Variants in DUSP8 observed in about 807,000 individuals in gnomAD.
The protein encoded by DUSP8 is dual specificity phosphatase 8.
Under a neutral mutation model 38.7 loss-of-function variants are expected in DUSP8, and 15 were observed. The ratio of observed to expected loss-of-function variants is 0.39; its 90% CI spans 0.26 to 0.60. The LOEUF is 0.60. Ranked by LOEUF, DUSP8 falls within the 20% of genes least tolerant of loss-of-function variation. The probability of loss-of-function intolerance (pLI) is 0.56; values close to 1 mark genes in which losing one functional copy is unlikely to be tolerated. For missense variants in DUSP8, 768 were observed against 915.0 expected, an observed-to-expected ratio of 0.84 and a Z score of 2.07; for synonymous variants, 458 against 433.9, an observed-to-expected ratio of 1.06 and a Z score of -0.69.
At chr11:1,571,029 C>G (rs1332507267) in intron 1 of DUSP8, among the ~76,000 whole-genome samples, 1 of 152,044 alleles carries the variant, frequency 6.6e-6, no homozygotes, top group African/African-American at 2.4e-5. Flanking sequence ...CCCCGCCCCC[C>G]ATCACTGCAG....
chr11:1,570,715 C>A (rs2133452710), intron 1 of DUSP8, among the ~76,000 whole-genome samples: 1 of 152,316 alleles, frequency 6.6e-6, no homozygotes, highest in East Asian at 1.9e-4. Context: ...GTCACATGAT[C>A]TGCCATCCGC....
At position 1,557,756 on chromosome 11, in the gene DUSP8, G is replaced by C. The variant is rs1347322677; in HGVS notation, c.821+38C>G. The C allele has an allele frequency of 6.2e-7, 1 of 1,611,136 alleles. No homozygotes were observed. On this transcript the variant is annotated intron_variant, in intron 6 of 6. Coordinates refer to ENST00000397374, the MANE Select transcript of DUSP8 (RefSeq NM_004420.3). This position sits in a 1 kb window ranked among gnomAD's most constrained non-coding sequence, Gnocchi z 9.9. ...GGGCAGCCGGGGGAAGGGAAGCGAC[G>C]CTGTGAGCCACAAGTGCGCGACTGG... is the stretch of plus-strand genomic sequence containing the variant.
Position 1,556,461 on chromosome 11 carries a change from A to G in DUSP8, c.*57T>C. On this transcript the variant is annotated 3_prime_UTR_variant, in exon 7 of 7. Transcript: ENST00000397374. This position sits in a 1 kb window ranked among gnomAD's most constrained non-coding sequence, Gnocchi z 5.2. ...ATTTACCTTTCTTTGCATTATATAT[A>G]ATATACATTTATAACGGGCCTGGCT... 3 of 1,231,268 alleles carry G rather than the reference A, an allele frequency of 2.4e-6. No individual in the cohort carries two copies. The highest frequency in any genetic ancestry group is 2.0e-6 in the Non-Finnish European group (2 of 987,256). 76.3% of individuals were successfully genotyped at this position (1,231,268 alleles called of 1,614,324 possible).
rs780724441 is a variant in DUSP8, at chr11:1,558,901, G to A, written c.525C>T (p.Asp175=). The change falls in exon 4 of 7, where the codon GAC becomes GAT. Residue 175 remains aspartate (D), a synonymous_variant. Coordinates refer to ENST00000397374, the MANE Select transcript of DUSP8 (RefSeq NM_004420.3). The surrounding 1 kb of genome is among the most constrained non-coding windows in gnomAD (Gnocchi z 6.3). ...ACTGCACACACACCTTGTTTAGGAC[G>A]TCCTTCTGCGAGCCCAGGTAGAGGT... ...LPHLYLGSQK[D]VLNKDLMTQN... The A allele has an allele frequency of 2.2e-5, 35 of 1,610,010 alleles. No individual in the cohort carries two copies. Among genetic ancestry groups the A allele is most frequent in the Admixed American group, 1.8e-4 (11 of 59,642 alleles).
chr11:1,557,331 G>A lies in DUSP8; in HGVS notation c.1065C>T (p.Gly355=), dbSNP rs757072093. Residue 355 remains glycine (G), a synonymous_variant, in exon 7 of 7, where the codon GGC becomes GGT. Transcript: ENST00000397374. The surrounding 1 kb of genome is among the most constrained non-coding windows in gnomAD (Gnocchi z 9.9). The part of the protein sequence containing the change: ...AAAREGGLSA[G]GEPPAPPTPP... Reference sequence around the variant, plus strand: ...GCGTGGGGGGCGCGGGGGGCTCCCCGCCCGCGCTCAGGCCGCCCTCCCTGG... The same window carrying A: ...GCGTGGGGGGCGCGGGGGGCTCCCCACCCGCGCTCAGGCCGCCCTCCCTGG... The A allele has an allele frequency of 4.0e-6, 6 of 1,515,206 alleles. No individual in the cohort carries two copies. The highest frequency in any genetic ancestry group is 2.6e-5 in the East Asian group (1 of 38,668). 93.9% of individuals were successfully genotyped at this position (1,515,206 alleles called of 1,614,324 possible). A position where few individuals can be genotyped will look rare whatever the true frequency, so the allele number is the denominator to read the frequency against.
chr11:1,565,576 G>A lies in DUSP8; in HGVS notation c.231+20C>T. The A allele has an allele frequency of 1.9e-6, 3 of 1,581,506 alleles. No individual in the cohort carries two copies. Among genetic ancestry groups the A allele is most frequent in the African/African-American group, 1.3e-5 (1 of 74,494 alleles). On this transcript the variant is annotated intron_variant, in intron 2 of 6. Transcript: ENST00000397374. ...GGACCCTGGACGTGATGCATGCCTG[G>A]TGGGCAGTGGGCTGGGTACCTGGCT...
intron 1 of DUSP8, among the ~76,000 whole-genome samples, chr11:1,569,399 C>A (rs1360900903): frequency 6.6e-6 from 1 of 152,130 alleles, no homozygotes; most frequent in Non-Finnish European, 1.5e-5. Context: ...CACCTCTTTG[C>A]ACACCCACTC....
chr11:1,569,008 A>G (rs1848848482), intron 1 of DUSP8, among the ~76,000 whole-genome samples: 2 of 152,192 alleles, frequency 1.3e-5, no homozygotes, highest in Admixed American at 1.3e-4. Context: ...CACTAAGGAC[A>G]GTCTGGTGCA....
chr11:1,566,038 C>A, intron 1 of DUSP8, 104 bp from the exon 2 acceptor site: 3 of 563,632 alleles, frequency 5.3e-6, no homozygotes, highest in Non-Finnish European at 9.5e-6. Flanking sequence ...CCAGGACACA[C>A]CAACATGTGC....
chr11:1,559,481 T>G, intron 3 of DUSP8: 2 of 167,298 alleles, frequency 1.2e-5, no homozygotes, highest in Non-Finnish European at 2.5e-5. Context: ...CCATCTCCCA[T>G]ACCCATGGCC....
chr11:1,565,689 G>A lies in DUSP8; in HGVS notation c.138C>T (p.Ser46=), dbSNP rs1040325649. The change falls in exon 2 of 7, where the codon TCC becomes TCT. Residue 46 remains serine (S), a synonymous_variant. Coordinates refer to ENST00000397374, the MANE Select transcript of DUSP8 (RefSeq NM_004420.3). ...VEYNSWHVLS[S]VNICCSKLVK... is the part of the protein sequence containing the mutation. ...CCAGCTTGGAGCAGCAGATGTTGAC[G>A]GAGCTGAGCACATGCCAGCTGTTGT... 26 of 1,611,922 alleles carry A rather than the reference G, an allele frequency of 1.6e-5. No individual in the cohort carries two copies. The highest frequency in any genetic ancestry group is 2.2e-5 in the East Asian group (1 of 44,868).
intron 1 of DUSP8, among the ~76,000 whole-genome samples, chr11:1,571,010 CCA>C (rs1333296326): frequency 5.9e-5 from 9 of 151,780 alleles, no homozygotes; most frequent in Non-Finnish European, 1.3e-4. Context: ...CTCCTCCATC[CCA>C]CAGTGTCCCC....
intron 1 of DUSP8, among the ~76,000 whole-genome samples, chr11:1,566,459 T>C (rs1272794756): frequency 1.3e-5 from 2 of 152,134 alleles, no homozygotes; most frequent in Non-Finnish European, 2.9e-5. Flanking sequence ...CGTAAGCCGA[T>C]AATCCAGCCC....
chr11:1,566,419 A>T (rs1394919984), intron 1 of DUSP8, among the ~76,000 whole-genome samples: 1 of 151,876 alleles, frequency 6.6e-6, no homozygotes, highest in East Asian at 1.9e-4. Context: ...AGGGAGTCCA[A>T]TCCCTGGAGA....
chr11:1,560,957 A>C (rs921440211), intron 3 of DUSP8, among the ~76,000 whole-genome samples: 3 of 152,120 alleles, frequency 2.0e-5, no homozygotes, highest in African/African-American at 4.8e-5. Flanking sequence ...GGTGCAGAGA[A>C]CCGACAGCTA....
intron 1 of DUSP8, among the ~76,000 whole-genome samples, chr11:1,571,162 G>C (rs777190716): frequency 7.9e-5 from 12 of 152,178 alleles, no homozygotes; most frequent in South Asian, 2.1e-4. Flanking sequence ...CTCCCCTCCA[G>C]GCCAGACTAT....
rs574421182 is a variant in DUSP8, at chr11:1,557,740, G to A, written c.821+54C>T. ...TCATTCTGGTGCAAGTGGGCAGCCG[G>A]GGGAAGGGAAGCGACGCTGTGAGCC... On this transcript the variant is annotated intron_variant, in intron 6 of 6. Transcript: ENST00000397374. The surrounding 1 kb of genome is among the most constrained non-coding windows in gnomAD (Gnocchi z 9.9). 6.8e-6 allele frequency: 11 copies of A among 1,609,146 alleles called. No homozygotes were observed. The highest frequency in any genetic ancestry group is 6.7e-5 in the Admixed American group (4 of 59,930).
At chr11:1,571,765 G>A (rs1848902548) in intron 1 of DUSP8, 136 bp downstream of exon 1, 1 of 150,916 alleles carries the variant, frequency 6.6e-6, no homozygotes, top group Non-Finnish European at 1.5e-5. Flanking sequence ...CTCATTCCGG[G>A]GCCGCCTCCT....
At chr11:1,568,605 G>T (rs1848842165) in intron 1 of DUSP8, among the ~76,000 whole-genome samples, 1 of 152,138 alleles carries the variant, frequency 6.6e-6, no homozygotes, top group South Asian at 2.1e-4. Context: ...TGCAGAGTGG[G>T]CACGCGCCCC....
Sources: gnomAD v4.1 joint callset for allele counts (sites outside exome capture counted in the v4.1 genomes callset) on GRCh38, gnomAD v4.1.1 for gene constraint, Gnocchi (gnomAD v3.1) non-coding constraint, MANE v1.5 for transcripts, NCBI Gene and HGNC (gene_info 2026-07-23, HGNC 2026-07-21) for gene names.